The following DAPP1 variants were observed in gnomAD, a reference collection of about 807,000 sequenced individuals.
DAPP1 encodes dual adapter for phosphotyrosine and 3-phosphotyrosine and 3-phosphoinositide.
DAPP1 carries 20 observed loss-of-function variants against 41.5 expected under a neutral mutation model. That is an observed-to-expected ratio of 0.48 (90% confidence interval 0.34 to 0.70). DAPP1 has a LOEUF of 0.70. Ranked by LOEUF, DAPP1 falls within the 30% of genes least tolerant of loss-of-function variation. The pLI is 0.01. For synonymous variants in DAPP1, 113 were observed against 116.2 expected, an observed-to-expected ratio of 0.97 and a Z score of 0.18; for missense variants, 233 against 333.4, an observed-to-expected ratio of 0.70 and a Z score of 2.35.
At chr4:99,842,928 T>G (rs1050181490) in intron 3 of DAPP1, among the ~76,000 whole-genome samples, 2 of 148,266 alleles carry the variant, frequency 1.3e-5, no homozygotes, top group Non-Finnish European at 2.9e-5. Context: ...CTCGGCCCAC[T>G]GCAAGCTCCG....
intron 3 of DAPP1, among the ~76,000 whole-genome samples, chr4:99,848,817 A>G (rs979436836): frequency 6.6e-6 from 1 of 152,186 alleles, no homozygotes; most frequent in East Asian, 1.9e-4. Context: ...AATTAAGTGG[A>G]TCCCCAAGAA....
intron 7 of DAPP1, 134 bp from the exon 8 acceptor site, chr4:99,865,900 A>ATATAT (rs1560710828): frequency 2.8e-3 from 198 of 70,154 alleles, no homozygotes; most frequent in Non-Finnish European, 4.5e-3. Flanking sequence ...GTGTTCAACT[A>ATATAT]ATATATATAT....
chr4:99,833,932 C>T (rs1217002881), intron 1 of DAPP1, among the ~76,000 whole-genome samples: 2 of 152,136 alleles, frequency 1.3e-5, no homozygotes, highest in Non-Finnish European at 2.9e-5. Flanking sequence ...GTGTGCAGGA[C>T]TCACAACTGG....
At chr4:99,861,507 A>G (rs1388350976) in intron 4 of DAPP1, 71 bp from the exon 5 acceptor site, 3 of 1,410,734 alleles carry the variant, frequency 2.1e-6, no homozygotes, top group Non-Finnish European at 2.9e-6. Flanking sequence ...ATTTAAAAAT[A>G]GGACATGAAA....
intron 1 of DAPP1, among the ~76,000 whole-genome samples, chr4:99,819,836 C>T (rs1239281828): frequency 6.6e-6 from 1 of 151,946 alleles, no homozygotes; most frequent in East Asian, 1.9e-4. Flanking sequence ...CTGTTTTTTT[C>T]AGGCTCTGGA....
At chr4:99,851,490 C>G (rs1003875145) in intron 3 of DAPP1, among the ~76,000 whole-genome samples, 5 of 148,342 alleles carry the variant, frequency 3.4e-5, no homozygotes. Context: ...TGCAGTCAGA[C>G]ATTGTATGTA....
At chr4:99,846,594 G>A (rs1339778380) in intron 3 of DAPP1, among the ~76,000 whole-genome samples, 1 of 152,186 alleles carries the variant, frequency 6.6e-6, no homozygotes, top group Non-Finnish European at 1.5e-5. Flanking sequence ...TGCAAAAGCT[G>A]TACGTTCTTT....
chr4:99,863,842 G>A lies in DAPP1; in HGVS notation c.673G>A (p.Val225Ile). 1 of 1,592,030 alleles carries A rather than the reference G, an allele frequency of 6.3e-7. No homozygotes were observed. The highest frequency in any genetic ancestry group is 8.6e-7 in the Non-Finnish European group (1 of 1,167,636). ...AVQFDYSQER[V>I]NCFCLVFPFR... is the part of the protein sequence containing the mutation. ...ACAATTCGATTATTCACAAGAAAGG[G>A]TAAACTGTTTTTGGTAAGTTGTTTT... Residue 225 changes from valine (V) to isoleucine (I), a missense_variant, in exon 7 of 9, where the codon GTA (valine) becomes ATA (isoleucine). Coordinates refer to ENST00000512369, the MANE Select transcript of DAPP1 (RefSeq NM_014395.3).
chr4:99,865,349 C>A (rs1192847675), intron 7 of DAPP1: 1 of 152,172 alleles, frequency 6.6e-6, no homozygotes, highest in African/African-American at 2.4e-5. Context: ...ACTAGGTAAT[C>A]AGACACAGTC....
Position 99,868,364 on chromosome 4 carries a change from A to G in DAPP1, c.*179A>G. 1 of 612,244 alleles carries G rather than the reference A, an allele frequency of 1.6e-6. No homozygotes were observed. The highest frequency in any genetic ancestry group is 2.9e-6 in the Non-Finnish European group (1 of 344,998). 37.9% of individuals were successfully genotyped at this position (612,244 alleles called of 1,614,324 possible). A position where few individuals can be genotyped will look rare whatever the true frequency, so the allele number is the denominator to read the frequency against. ...TGCTGACTCACGTTGCTGCCCTTCC[A>G]TGATGTTGCCATCTCCTTGAGAACA... On this transcript the variant is annotated 3_prime_UTR_variant, in exon 9 of 9. Transcript: ENST00000512369.
intron 1 of DAPP1, among the ~76,000 whole-genome samples, chr4:99,832,786 C>T (rs1388664819): frequency 6.6e-6 from 1 of 152,208 alleles, no homozygotes; most frequent in African/African-American, 2.4e-5. Flanking sequence ...GTTTTAAACG[C>T]AAACTTCCAA....
intron 8 of DAPP1, chr4:99,866,451 G>A (rs1724461056): frequency 4.2e-6 from 3 of 722,066 alleles, no homozygotes; most frequent in Admixed American, 2.0e-5. Flanking sequence ...TCTGACAGAG[G>A]AAAGCTGACA....
intron 6 of DAPP1, 43 bp downstream of exon 6, chr4:99,863,115 T>G: frequency 7.5e-7 from 1 of 1,332,776 alleles, no homozygotes; most frequent in African/African-American, 1.5e-5. Context: ...AAATCAATTC[T>G]CTAGATGAAA....
At chr4:99,831,267 C>G (rs1723110986) in intron 1 of DAPP1, among the ~76,000 whole-genome samples, 1 of 152,020 alleles carries the variant, frequency 6.6e-6, no homozygotes, top group African/African-American at 2.4e-5. Flanking sequence ...TGTATACACA[C>G]CTATCTTCAG....
intron 3 of DAPP1, among the ~76,000 whole-genome samples, chr4:99,842,237 T>C (rs1723517975): frequency 6.6e-6 from 1 of 152,280 alleles, no homozygotes; most frequent in African/African-American, 2.4e-5. Flanking sequence ...TAAGGATTTG[T>C]CATCCAGACT....
chr4:99,864,926 A>G (rs1724371548), intron 7 of DAPP1: 1 of 152,246 alleles, frequency 6.6e-6, no homozygotes. Flanking sequence ...ATTGGCTTAA[A>G]CAAATTAGGA....
chr4:99,861,526 A>G, intron 4 of DAPP1, 52 bp from the exon 5 acceptor site: 1 of 1,524,164 alleles, frequency 6.6e-7, no homozygotes, highest in Non-Finnish European at 8.9e-7. Flanking sequence ...AAGGAAGGAC[A>G]AACGTCCTGT....
In DAPP1 at chr4:99,847,001, A is replaced by T. The variant is rs137940432; in HGVS notation, c.359-6217A>T. Among the ~76,000 whole-genome samples the T allele has an allele frequency of 3.1e-4, 47 of 152,350 alleles. No individual in the cohort carries two copies. In the East Asian group the frequency reaches 6.7e-3, roughly 22 times the overall value. ...GAAGGAGGGGAGAGAGGAACTCATT[A>T]TGCCAGTTGCAGAGCTTATTTTCTG... On this transcript the variant is annotated intron_variant, in intron 3 of 8. Transcript: ENST00000512369.
At chr4:99,856,593 T>G (rs1019206875) in intron 4 of DAPP1, among the ~76,000 whole-genome samples, 1 of 152,128 alleles carries the variant, frequency 6.6e-6, no homozygotes, top group South Asian at 2.1e-4. Context: ...GAAATATGAG[T>G]GTTTCTGTTG....
Sources: allele counts gnomAD v4.1 joint callset (sites outside exome capture counted in the v4.1 genomes callset), GRCh38; gene constraint gnomAD v4.1.1; transcripts MANE v1.5; gene names NCBI Gene and HGNC (gene_info 2026-07-23, HGNC 2026-07-21).